Variants in UNC13B observed in about 807,000 individuals in gnomAD.
UNC13B encodes the protein protein unc-13 homolog B.
UNC13B carries 144 observed loss-of-function variants against 211.0 expected under a neutral mutation model. That is an observed-to-expected ratio of 0.68 (90% CI 0.60 to 0.78). The LOEUF (loss-of-function observed/expected upper bound fraction) is 0.78. Among genes scored for constraint, UNC13B ranks in the 30% least tolerant of loss-of-function variants. The pLI is 0.00. For synonymous variants in UNC13B, 709 were observed against 725.8 expected (o/e 0.98, Z 0.37); for missense variants, 1,777 against 2,002.0 (o/e 0.89, Z 2.14).
At chr9:35,232,894 G>A (rs1265662844) in intron 3 of UNC13B, among the ~76,000 whole-genome samples, 1 of 152,064 alleles carries the variant, frequency 6.6e-6, no homozygotes, top group Admixed American at 6.6e-5. Flanking sequence ...TTTAATGAGG[G>A]GACAGAGGGA....
chr9:35,388,402 C>A (rs146193932), intron 24 of UNC13B, among the ~76,000 whole-genome samples: 1 of 151,476 alleles, frequency 6.6e-6, no homozygotes, highest in Admixed American at 6.6e-5. Flanking sequence ...AGTGAGACTC[C>A]GTCTCAAAAA....
chr9:35,304,253 C>G lies in UNC13B; in HGVS notation c.4849C>G (p.Pro1617Ala). ...CCCTCTTGATTTATCTTTAGCTTTG[C>G]CAAGAAGTGAGGAACCATTGTATCT... The part of the protein sequence containing the change: ...DDPLDLSLAL[P>A]RSEEPLYLNL... The change falls in exon 9 of 40, where the codon CCA (proline) becomes GCA (alanine). Residue 1617 changes from proline to alanine, a missense_variant. Transcript: ENST00000635942. 2.5e-6 allele frequency: 1 copy of G among 398,648 alleles called. No homozygotes were observed. Among genetic ancestry groups the G allele is most frequent in the African/African-American group, 2.1e-5 (1 of 48,692 alleles). The allele number at this position is 398,648 out of a possible 1,614,324, so 24.7% of individuals were successfully genotyped here.
chr9:35,331,318 G>A (rs1213462571), intron 11 of UNC13B, among the ~76,000 whole-genome samples: 3 of 152,064 alleles, frequency 2.0e-5, no homozygotes, highest in East Asian at 1.9e-4. Context: ...GCGTGATCTC[G>A]GCTGACTGCA....
At chr9:35,294,113 AG>A (rs1468069861) in intron 7 of UNC13B, among the ~76,000 whole-genome samples, 2 of 152,264 alleles carry the variant, frequency 1.3e-5, no homozygotes, top group East Asian at 3.9e-4. Flanking sequence ...AATGAAGCCA[AG>A]GGGGGTCATT....
At position 35,250,012 on chromosome 9, in the gene UNC13B, G is replaced by A. The variant is rs953785312; in HGVS notation, c.468+6648G>A. On this transcript the variant is annotated intron_variant, in intron 6 of 39. Coordinates refer to ENST00000635942, the MANE Select transcript of UNC13B (RefSeq NM_001371189.2). ...TTCACTCATCTAAAGCTTACAATTC[G>A]GTGGCTTTCAGTATCTTCATAGTTG... Among the ~76,000 whole-genome samples, 9 of 150,612 alleles carry A rather than the reference G, an allele frequency of 6.0e-5. No individual in the cohort carries two copies. In the East Asian group the frequency reaches 7.8e-4, roughly 13 times the overall value.
chr9:35,254,005 T>C (rs776311130), intron 6 of UNC13B, among the ~76,000 whole-genome samples: 1 of 152,236 alleles, frequency 6.6e-6, no homozygotes, highest in African/African-American at 2.4e-5. Context: ...GAAATTGTTT[T>C]AATTTGTATT....
rs768508142 is a variant in UNC13B, at chr9:35,403,614, G to A, written c.12737+15G>A. The A allele has an allele frequency of 1.0e-5, 15 of 1,463,404 alleles. No individual in the cohort carries two copies. The East Asian group carries it at 3.5e-4, about 34-fold the overall frequency. 90.7% of individuals were successfully genotyped at this position (1,463,404 alleles called of 1,614,324 possible). ...ACATTCCACTTGTAAGTTACGGGGG[G>A]GACATACAGGACTCTGGGATGGGGG... On this transcript the variant is annotated intron_variant, in intron 39 of 39. Coordinates refer to ENST00000635942, the MANE Select transcript of UNC13B (RefSeq NM_001371189.2).
chr9:35,256,565 T>C (rs1050652807), intron 6 of UNC13B, among the ~76,000 whole-genome samples: 3 of 152,346 alleles, frequency 2.0e-5, no homozygotes, highest in African/African-American at 7.2e-5. Flanking sequence ...TTTTATCACA[T>C]CTTTTTCTGC....
intron 1 of UNC13B, among the ~76,000 whole-genome samples, chr9:35,180,101 C>T (rs1223241844): frequency 6.6e-6 from 1 of 152,172 alleles, no homozygotes; most frequent in Non-Finnish European, 1.5e-5. Flanking sequence ...TAGAAAGATA[C>T]ACTTGAACAC....
intron 11 of UNC13B, among the ~76,000 whole-genome samples, chr9:35,356,749 C>A (rs935685588): frequency 2.0e-5 from 3 of 152,156 alleles, no homozygotes; most frequent in Admixed American, 2.0e-4. Context: ...AACCTCTTAC[C>A]CATTGGCAGT....
At chr9:35,168,241 T>G (rs1257688690) in intron 1 of UNC13B, among the ~76,000 whole-genome samples, 1 of 152,178 alleles carries the variant, frequency 6.6e-6, no homozygotes, top group Admixed American at 6.5e-5. Flanking sequence ...TTAATTTTTT[T>G]CTTTCCAACT....
intron 1 of UNC13B, among the ~76,000 whole-genome samples, chr9:35,187,135 A>G (rs1031549999): frequency 5.9e-5 from 9 of 152,240 alleles, no homozygotes; most frequent in African/African-American, 1.2e-4. Flanking sequence ...GAGTATAGCA[A>G]TTCCTGCAAG....
chr9:35,273,038 A>G (rs1827980585), intron 7 of UNC13B, among the ~76,000 whole-genome samples: 1 of 152,228 alleles, frequency 6.6e-6, no homozygotes, highest in African/African-American at 2.4e-5. Flanking sequence ...AGTATTGCCT[A>G]TAATTAGTGA....
chr9:35,396,124 A>G (rs1361758048), intron 26 of UNC13B, among the ~76,000 whole-genome samples: 1 of 152,198 alleles, frequency 6.6e-6, no homozygotes, highest in Non-Finnish European at 1.5e-5. Context: ...CTCTACAGTC[A>G]TGGGCAGTCT....
intron 1 of UNC13B, among the ~76,000 whole-genome samples, chr9:35,197,048 G>C (rs1347301986): frequency 2.0e-5 from 3 of 152,096 alleles, no homozygotes; most frequent in African/African-American, 4.8e-5. Flanking sequence ...TGGGATGACA[G>C]GCTTGACCTA....
chr9:35,306,154 T>A lies in UNC13B; in HGVS notation c.6750T>A (p.Asn2250Lys). ...PVTSQPCKKT[N>K]VFVESGSTMT... ...CCTCCCAGCCCTGTAAGAAGACAAA[T>A]GTTTTTGTAGAGAGTGGTAGCACAA... is the stretch of plus-strand genomic sequence containing the variant. The change falls in exon 9 of 40, where the codon AAT becomes AAA. Residue 2250 changes from asparagine (N) to lysine (K), a missense_variant. Physicochemically the swap from Asn to Lys is moderately conservative, Grantham distance 94. Transcript: ENST00000635942. 2 of 399,000 alleles carry A rather than the reference T, an allele frequency of 5.0e-6. No homozygotes were observed. The highest frequency in any genetic ancestry group is 8.8e-6 in the Non-Finnish European group (2 of 226,058). 24.7% of individuals were successfully genotyped at this position (399,000 alleles called of 1,614,324 possible).
intron 1 of UNC13B, among the ~76,000 whole-genome samples, chr9:35,204,851 G>A (rs1823549262): frequency 6.6e-6 from 1 of 152,300 alleles, no homozygotes; most frequent in Admixed American, 6.5e-5. Flanking sequence ...AGACTTTGGA[G>A]GACTGTTGGG....
intron 1 of UNC13B, among the ~76,000 whole-genome samples, chr9:35,170,517 G>A (rs1286274018): frequency 9.9e-5 from 15 of 152,108 alleles, no homozygotes; most frequent in Admixed American, 9.8e-4. Context: ...TGCCCAGGCT[G>A]GAGTGCAATG....
At chr9:35,217,392 T>G (rs978406402) in intron 1 of UNC13B, among the ~76,000 whole-genome samples, 3 of 150,380 alleles carry the variant, frequency 2.0e-5, no homozygotes, top group Non-Finnish European at 4.4e-5. Flanking sequence ...TGTTTGTTTT[T>G]TTTGTTTTTT....
Sources: allele counts gnomAD v4.1 joint callset (sites outside exome capture counted in the v4.1 genomes callset), GRCh38; gene constraint gnomAD v4.1.1; transcripts MANE v1.5; gene names NCBI Gene and HGNC (gene_info 2026-07-23, HGNC 2026-07-21).